Variants in PCDHGA8 observed in about 807,000 individuals in gnomAD.
PCDHGA8 encodes protocadherin gamma-A8.
Under a neutral mutation model 59.2 loss-of-function variants are expected in PCDHGA8, and 45 were observed. The ratio of observed to expected loss-of-function variants is 0.76; its 90% CI spans 0.60 to 0.98. The LOEUF (loss-of-function observed/expected upper bound fraction) is 0.98. Ranked by LOEUF, PCDHGA8 falls within the 50% of genes least tolerant of loss-of-function variation. PCDHGA8 has a pLI of 0.00. For missense variants in PCDHGA8, 1,257 were observed against 1,196.2 expected (o/e 1.05, Z -0.75); for synonymous variants, 531 against 519.0 (o/e 1.02, Z -0.32).
chr5:141,500,688 T>C (rs2099802014), intron 2 of PCDHGA8, among the ~76,000 whole-genome samples: 1 of 152,224 alleles, frequency 6.6e-6, no homozygotes, highest in Non-Finnish European at 1.5e-5. Flanking sequence ...TATAGCTTTT[T>C]TCTTCTTTGC....
chr5:141,413,322 G>A, intron 1 of PCDHGA8: 2 of 1,613,940 alleles, frequency 1.2e-6, no homozygotes, highest in Non-Finnish European at 1.7e-6. Flanking sequence ...GCTCTTTCGT[G>A]GGCAACATCT....
At chr5:141,421,754 A>G (rs1230343518) in intron 1 of PCDHGA8, 4 of 1,613,918 alleles carry the variant, frequency 2.5e-6, no homozygotes, top group East Asian at 2.2e-5. Context: ...CTCAGCCCTA[A>G]TAATTACTTT....
Position 141,432,010 on chromosome 5 carries a change from CT to C in PCDHGA8, c.2424+36774del. The C allele has an allele frequency of 6.2e-7, 1 of 1,614,068 alleles. No individual in the cohort carries two copies. Among genetic ancestry groups the C allele is most frequent in the Non-Finnish European group, 8.5e-7 (1 of 1,180,022 alleles). ...TCTTGGATAGGGAACAGGTTCCTAG[CT>C]ACAACATCACAGTGACCGCCACTGA... On this transcript the variant is annotated intron_variant, in intron 1 of 3. Coordinates refer to ENST00000398604, the MANE Select transcript of PCDHGA8 (RefSeq NM_032088.2). This position sits in a 1 kb window ranked among gnomAD's most constrained non-coding sequence, Gnocchi z 6.0.
intron 2 of PCDHGA8, among the ~76,000 whole-genome samples, chr5:141,504,870 AG>A (rs1453764331): frequency 6.6e-6 from 1 of 151,996 alleles, no homozygotes; most frequent in Non-Finnish European, 1.5e-5. Context: ...CCACCTTCAC[AG>A]TCCTCTGGAG....
chr5:141,494,613 G>A (rs2099755672), intron 1 of PCDHGA8, among the ~76,000 whole-genome samples, 194 bp from the exon 2 acceptor site: 1 of 152,136 alleles, frequency 6.6e-6, no homozygotes, highest in Non-Finnish European at 1.5e-5. Context: ...TTATCTCTTG[G>A]TTTCTGGTAC....
At chr5:141,413,550 A>C (rs2095653911) in intron 1 of PCDHGA8, 1 of 1,613,974 alleles carries the variant, frequency 6.2e-7, no homozygotes, top group Non-Finnish European at 8.5e-7. Context: ...GGATAGAAAT[A>C]GAAGTAACTG....
intron 1 of PCDHGA8, chr5:141,424,285 T>A (rs573116321): frequency 6.5e-6 from 1 of 152,894 alleles, no homozygotes; most frequent in South Asian, 2.1e-4. Context: ...CTTTGTCTCA[T>A]TTCTTCATCC....
chr5:141,414,519 T>C (rs754685087), intron 1 of PCDHGA8: 6 of 1,613,856 alleles, frequency 3.7e-6, no homozygotes, highest in Non-Finnish European at 5.1e-6. Context: ...AAGTGGCAGA[T>C]ATCAATGACA....
At chr5:141,427,249 G>A (rs1417336994) in intron 1 of PCDHGA8, 1 of 456,742 alleles carries the variant, frequency 2.2e-6, no homozygotes, top group African/African-American at 2.0e-5. Context: ...GCTAAGGATG[G>A]TGGAGGCATG....
At chr5:141,404,516 T>G (rs968433488) in intron 1 of PCDHGA8, 1 of 1,613,754 alleles carries the variant, frequency 6.2e-7, no homozygotes, top group African/African-American at 1.3e-5. Flanking sequence ...CTCCTTTGAC[T>G]ATGAGCAGTT....
rs183531575 is a variant in PCDHGA8 at position 141,469,308 on chromosome 5, G to A, written c.2425-25499G>A. Among the ~76,000 whole-genome samples the A allele has an allele frequency of 2.5e-3, 379 of 152,184 alleles. 1 individual carries two copies. The highest frequency in any genetic ancestry group is 5.8e-3 in the South Asian group (28 of 4,814). On this transcript the variant is annotated intron_variant, in intron 1 of 3. Transcript: ENST00000398604. ...TAAAACAAAATAGACTGGGCACGAT[G>A]GCTCACGCCTGTAATCCCACCACTT...
intron 1 of PCDHGA8, chr5:141,418,028 A>C (rs767425160): frequency 1.2e-6 from 2 of 1,613,970 alleles, no homozygotes; most frequent in East Asian, 4.5e-5. Context: ...TCTAGGGCTT[A>C]GTGTCCTGGA....
Position 141,489,091 on chromosome 5 carries a change from T to A in PCDHGA8, c.2425-5716T>A. 1.9e-4 allele frequency: 63 copies of A among 332,802 alleles called. No individual in the cohort carries two copies. Among genetic ancestry groups the A allele is most frequent in the East Asian group, 2.9e-4 (6 of 20,542 alleles). The allele number at this position is 332,802 out of a possible 1,614,324, so 20.6% of individuals were successfully genotyped here. A position where few individuals can be genotyped will look rare whatever the true frequency, so the allele number is the denominator to read the frequency against. ...CTGCCCACCCCCGCCACTCGGTGAC[T>A]AAGAACTGCTGCAAGCAGGCAAACC... On this transcript the variant is annotated intron_variant, in intron 1 of 3. Transcript: ENST00000398604. This position sits in a 1 kb window ranked among gnomAD's most constrained non-coding sequence, Gnocchi z 4.5.
In PCDHGA8 at chr5:141,393,282, G is replaced by A. The variant is rs2150516370; in HGVS notation, c.469G>A (p.Ala157Thr). The change falls in exon 1 of 4, where the codon GCT becomes ACT. Residue 157 changes from alanine to threonine, a missense_variant. Physicochemically the swap from Ala to Thr is moderately conservative, Grantham distance 58. Transcript: ENST00000398604. ...TGGAGCACGTTATCCACTCCCAGAA[G>A]CTGTTGACCCGGATGTGGGCGTGAA... Reference protein sequence around the residue: ...VPGARYPLPEAVDPDVGVNSL... With the variant: ...VPGARYPLPETVDPDVGVNSL... 2 of 1,613,980 alleles carry A rather than the reference G, an allele frequency of 1.2e-6. No homozygotes were observed. The highest frequency in any genetic ancestry group is 1.7e-6 in the Non-Finnish European group (2 of 1,179,900).
At chr5:141,494,250 G>C (rs908660385) in intron 1 of PCDHGA8, among the ~76,000 whole-genome samples, 3 of 152,182 alleles carry the variant, frequency 2.0e-5, no homozygotes, top group African/African-American at 7.2e-5. Flanking sequence ...TTTAGCTGTG[G>C]GAAGAGATTC....
At chr5:141,494,763 C>T in intron 1 of PCDHGA8, 44 bp from the exon 2 acceptor site, 4 of 1,613,926 alleles carry the variant, frequency 2.5e-6, no homozygotes, top group Admixed American at 1.7e-5. Context: ...GACATTCTAA[C>T]TTCTCACGGG....
rs559316235 is a variant in PCDHGA8, at chr5:141,398,652, C to T, written c.2424+3415C>T. 27 of 1,613,990 alleles carry T rather than the reference C, an allele frequency of 1.7e-5. No homozygotes were observed. The East Asian group carries it at 5.1e-4, about 31-fold the overall frequency. ...TGCAGAAGTATAAACTCTCTCTTAA[C>T]CCAAGTTTCTCATTAATAATTAAGG... On this transcript the variant is annotated intron_variant, in intron 1 of 3. Coordinates refer to ENST00000398604, the MANE Select transcript of PCDHGA8 (RefSeq NM_032088.2).
At position 141,491,910 on chromosome 5, in the gene PCDHGA8, G is replaced by T. The variant is rs946745903; in HGVS notation, c.2425-2897G>T. On this transcript the variant is annotated intron_variant, in intron 1 of 3. Coordinates refer to ENST00000398604, the MANE Select transcript of PCDHGA8 (RefSeq NM_032088.2). This position sits in a 1 kb window ranked among gnomAD's most constrained non-coding sequence, Gnocchi z 6.9. ...GGCTCCGAGCACCGGGGGTGGTGGC[G>T]ACTGTGGGCGAGGGGAGGTGGGACC... 3.6e-6 allele frequency: 5 copies of T among 1,406,946 alleles called. No individual in the cohort carries two copies. Among genetic ancestry groups the T allele is most frequent in the Non-Finnish European group, 4.7e-6 (5 of 1,059,702 alleles). 87.2% of individuals were successfully genotyped at this position (1,406,946 alleles called of 1,614,324 possible).
At position 141,409,157 on chromosome 5, in the gene PCDHGA8, G is replaced by C. The variant is rs774813801; in HGVS notation, c.2424+13920G>C. 4 of 1,614,054 alleles carry C rather than the reference G, an allele frequency of 2.5e-6. No homozygotes were observed. In the South Asian group the frequency reaches 4.4e-5, roughly 18 times the overall value. ...AGATGTAGAAAGGTACACCATGGAA[G>C]TGGAAGCGAAGGACGGAGGTGGTCT... On this transcript the variant is annotated intron_variant, in intron 1 of 3. Coordinates refer to ENST00000398604, the MANE Select transcript of PCDHGA8 (RefSeq NM_032088.2).
Sources: allele counts gnomAD v4.1 joint callset (sites outside exome capture counted in the v4.1 genomes callset), GRCh38; gene constraint gnomAD v4.1.1; non-coding constraint Gnocchi (gnomAD v3.1); transcripts MANE v1.5; gene names NCBI Gene and HGNC (gene_info 2026-07-23, HGNC 2026-07-21).